The following SYN3 variants were observed in gnomAD, a reference collection of about 807,000 sequenced individuals.
SYN3 encodes synapsin III, also known as synapsin-3.
SYN3 carries 35 observed loss-of-function variants against 65.8 expected under a neutral mutation model. That is an observed-to-expected ratio of 0.53 (90% CI 0.41 to 0.70). SYN3 has a LOEUF of 0.70. SYN3 is among the 30% of genes least tolerant of loss of function. The probability of loss-of-function intolerance (pLI) is 0.00; values close to 1 mark genes in which losing one functional copy is unlikely to be tolerated. For synonymous variants in SYN3, 270 were observed against 292.9 expected (o/e 0.92, Z 0.80); for missense variants, 680 against 749.0 (o/e 0.91, Z 1.08).
chr22:32,798,494 A>G (rs189406893), intron 6 of SYN3, among the ~76,000 whole-genome samples: 1 of 152,168 alleles, frequency 6.6e-6, no homozygotes, highest in Non-Finnish European at 1.5e-5. Context: ...GCATCCTATA[A>G]CTTGATACAA....
chr22:32,981,915 G>A (rs1161397587), intron 2 of SYN3, among the ~76,000 whole-genome samples: 1 of 151,998 alleles, frequency 6.6e-6, no homozygotes, highest in East Asian at 1.9e-4. Flanking sequence ...ACCACACATG[G>A]TTTATCTTGG....
intron 7 of SYN3, among the ~76,000 whole-genome samples, chr22:32,552,504 T>C (rs138510818): frequency 4.1e-4 from 62 of 151,746 alleles, no homozygotes; most frequent in Admixed American, 9.2e-4. Context: ...CTTTTGTATA[T>C]ATTTGAAACT....
rs115664084 is a variant in SYN3 at position 32,621,069 on chromosome 22, G to A, written c.712-24333C>T. Among the ~76,000 whole-genome samples the A allele has an allele frequency of 4.4e-3, 665 of 152,308 alleles. 3 individuals are homozygous for A. Among genetic ancestry groups the A allele is most frequent in the African/African-American group, 0.015 (642 of 41,574 alleles). ...TGGTCAACAGCTAGAGACTCCTGGT[G>A]TGGACTGCTAATGCAGAAGGGTTCT... On this transcript the variant is annotated intron_variant, in intron 6 of 13. Transcript: ENST00000358763.
chr22:33,002,989 G>A (rs2053104147), intron 2 of SYN3, among the ~76,000 whole-genome samples: 1 of 152,208 alleles, frequency 6.6e-6, no homozygotes, highest in Non-Finnish European at 1.5e-5. Context: ...TCTCACAAGA[G>A]CTGATGGTTT....
chr22:32,733,985 C>G (rs186467787), intron 6 of SYN3, among the ~76,000 whole-genome samples: 1 of 152,062 alleles, frequency 6.6e-6, no homozygotes, highest in Non-Finnish European at 1.5e-5. Context: ...CTGAGCCAAG[C>G]AAAGAGCCAA....
chr22:32,550,127 T>C (rs5754144), intron 7 of SYN3, among the ~76,000 whole-genome samples: 87,912 of 151,910 alleles, frequency 0.58, 25,556 homozygotes, highest in East Asian at 0.79. Context: ...AACAATATAT[T>C]AAGCTAGTGG....
chr22:32,791,364 C>T (rs531032505), intron 6 of SYN3, among the ~76,000 whole-genome samples: 13 of 152,196 alleles, frequency 8.5e-5, no homozygotes, highest in Admixed American at 6.5e-5. Flanking sequence ...ATTCTAACTT[C>T]GGTGCTTACC....
At chr22:32,670,407 CTTAA>C (rs1323837635) in intron 6 of SYN3, among the ~76,000 whole-genome samples, 1 of 152,176 alleles carries the variant, frequency 6.6e-6, no homozygotes, top group African/African-American at 2.4e-5. Context: ...AAAGATCCTG[CTTAA>C]TTAATTAATA....
At chr22:32,569,522 A>C (rs1451379833) in intron 7 of SYN3, among the ~76,000 whole-genome samples, 2 of 145,424 alleles carry the variant, frequency 1.4e-5, no homozygotes, top group East Asian at 2.0e-4. Flanking sequence ...ATCTATATCT[A>C]TCTAAAATCA....
In SYN3 at chr22:32,572,436, T is replaced by TTCCCTCCCTCCTTTCCTTCCCTCCC. The variant is rs1569051915; in HGVS notation, c.774+24237_774+24238insGGGAGGGAAGGAAAGGAGGGAGGGA. Among the ~76,000 whole-genome samples, 2 of 8,334 alleles carry TTCCCTCCCTCCTTTCCTTCCCTCCC rather than the reference T, an allele frequency of 2.4e-4. 1 individual carries two copies. The highest frequency in any genetic ancestry group is 8.0e-4 in the Non-Finnish European group (2 of 2,488). The allele number at this position is 8,334 out of a possible 152,430, so 5.5% of individuals were successfully genotyped here. On this transcript the variant is annotated intron_variant, in intron 7 of 13. Transcript: ENST00000358763. ...CTTTCCTTCCTTCTTCCTTCCTTCC[T>TTCCCTCCCTCCTTTCCTTCCCTCCC]TCCCTCCTTCCTTTCCTCCCTTCCT...
intron 1 of SYN3, among the ~76,000 whole-genome samples, chr22:33,047,470 G>A (rs2054087438): frequency 6.6e-6 from 1 of 152,104 alleles, no homozygotes; most frequent in African/African-American, 2.4e-5. Flanking sequence ...AGCAGTCCTA[G>A]CCCCGAACAT....
In SYN3 at chr22:32,953,464, C is replaced by T. The variant is rs557597473; in HGVS notation, c.370-21983G>A. ...TGAGTTTTGTGTTAAATAAAGGGGT[C>T]AGGAGAAGAATAAATTTGATCAGTG... is the stretch of plus-strand genomic sequence containing the variant. On this transcript the variant is annotated intron_variant, in intron 3 of 13. Coordinates refer to ENST00000358763, the MANE Select transcript of SYN3 (RefSeq NM_003490.4). Among the ~76,000 whole-genome samples, 7 of 129,852 alleles carry T rather than the reference C, an allele frequency of 5.4e-5. No homozygotes were observed. In the South Asian group the frequency reaches 1.6e-3, roughly 30 times the overall value. The allele number at this position is 129,852 out of a possible 152,430, so 85.2% of individuals were successfully genotyped here. A position where few individuals can be genotyped will look rare whatever the true frequency, so the allele number is the denominator to read the frequency against.
At chr22:32,603,737 C>T (rs1031811556) in intron 6 of SYN3, among the ~76,000 whole-genome samples, 2 of 152,086 alleles carry the variant, frequency 1.3e-5, no homozygotes, top group Admixed American at 6.6e-5. Context: ...AACATCTTGC[C>T]GGCTATTTTC....
At chr22:32,982,972 T>G (rs1433465798) in intron 2 of SYN3, among the ~76,000 whole-genome samples, 1 of 152,224 alleles carries the variant, frequency 6.6e-6, no homozygotes, top group East Asian at 1.9e-4. Flanking sequence ...ATTCCATATC[T>G]GTGCTTTTGC....
intron 7 of SYN3, among the ~76,000 whole-genome samples, chr22:32,594,239 G>A (rs2059166730): frequency 6.6e-6 from 1 of 152,076 alleles, no homozygotes; most frequent in South Asian, 2.1e-4. Flanking sequence ...CTGTGTACCG[G>A]GTGCCACTCA....
At chr22:32,839,922 T>C (rs1366083355) in intron 6 of SYN3, among the ~76,000 whole-genome samples, 2 of 152,034 alleles carry the variant, frequency 1.3e-5, no homozygotes, top group East Asian at 3.9e-4. Flanking sequence ...CCTGAGTTTT[T>C]CCCAGACCGC....
rs2058026755 is a variant in SYN3, at chr22:32,528,983, A to G, written c.1121T>C (p.Ile374Thr). 5.0e-6 allele frequency: 8 copies of G among 1,613,836 alleles called. No individual in the cohort carries two copies. Among genetic ancestry groups the G allele is most frequent in the African/African-American group, 1.3e-5 (1 of 74,906 alleles). ...TCTGTCCTCTTCCACATGCTCTCCA[A>G]TCAGCGGCATTGAGCTGTCCATTAC... ...IEVMDSSMPLIGEHVEEDRQL... is the reference protein window; with the variant it reads ...IEVMDSSMPLTGEHVEEDRQL... The change falls in exon 11 of 14, where the codon ATT (isoleucine) becomes ACT (threonine). Residue 374 changes from isoleucine to threonine, a missense_variant. Ile to Thr is a moderately conservative substitution (Grantham distance 89). Transcript: ENST00000358763.
chr22:32,534,301 A>G (rs1182710891), intron 9 of SYN3, among the ~76,000 whole-genome samples: 3 of 151,994 alleles, frequency 2.0e-5, no homozygotes, highest in South Asian at 2.1e-4. Flanking sequence ...ACACCCAGCC[A>G]CCCCTGTGTC....
intron 3 of SYN3, among the ~76,000 whole-genome samples, chr22:32,965,058 C>T (rs2051785176): frequency 6.6e-6 from 1 of 152,220 alleles, no homozygotes; most frequent in East Asian, 1.9e-4. Flanking sequence ...TCTGGGTCCA[C>T]ATCTCAGCTC....
Sources: gnomAD v4.1 joint callset for allele counts (sites outside exome capture counted in the v4.1 genomes callset) on GRCh38, gnomAD v4.1.1 for gene constraint, MANE v1.5 for transcripts, NCBI Gene and HGNC (gene_info 2026-07-23, HGNC 2026-07-21) for gene names.